WDR31: variants seen among roughly 807,000 people sequenced by gnomAD.
WDR31 encodes WD repeat-containing protein 31.
Under a neutral mutation model 47.3 loss-of-function variants are expected in WDR31, and 30 were observed. The observed-to-expected ratio is 0.63, with a 90% confidence interval of 0.47 to 0.86. The LOEUF (loss-of-function observed/expected upper bound fraction) is 0.86. WDR31 is among the 40% of genes least tolerant of loss of function. The pLI is 0.00. For missense variants in WDR31, 406 were observed against 442.9 expected (o/e 0.92, Z 0.75); for synonymous variants, 137 against 159.4 (o/e 0.86, Z 1.06).
intron 2 of WDR31, among the ~76,000 whole-genome samples, chr9:113,334,703 C>CTTTTTTTTTTT (rs71367719): frequency 0.026 from 1,648 of 62,746 alleles, no homozygotes; most frequent in East Asian, 0.029. Context: ...CTACATCAGG[C>CTTTTTTTTTTT]TTTTTTTTTT....
intron 5 of WDR31, among the ~76,000 whole-genome samples, chr9:113,326,843 C>CTT (rs554499543): frequency 6.7e-6 from 1 of 149,646 alleles, no homozygotes; most frequent in East Asian, 2.0e-4. Flanking sequence ...TATTGTCTTA[C>CTT]TTTTTTTTTT....
At chr9:113,330,884 G>C in intron 4 of WDR31, 100 bp downstream of exon 4, 1 of 1,362,236 alleles carries the variant, frequency 7.3e-7, no homozygotes, top group Non-Finnish European at 9.9e-7. Context: ...TTTTACACTT[G>C]TCAACCCTGC....
Position 113,331,113 on chromosome 9 carries a change from C to T in WDR31, c.120G>A (p.Arg40=), listed in dbSNP as rs1013839245. The change falls in exon 4 of 11, where the codon AGG becomes AGA. Residue 40 remains arginine (R), a synonymous_variant. Coordinates refer to ENST00000374193, the MANE Select transcript of WDR31 (RefSeq NM_001012361.4). ...KLKHSTYKYG[R]PDEIIEERIQ... is the part of the protein sequence containing the mutation. The stretch of plus-strand genomic sequence containing the variant: ...TTCTCTCTTCTATAATTTCATCAGG[C>T]CTGCTAAAAAGAGTATAGAAAATGA... 6 of 1,567,436 alleles carry T rather than the reference C, an allele frequency of 3.8e-6. No individual in the cohort carries two copies. The highest frequency in any genetic ancestry group is 2.7e-5 in the African/African-American group (2 of 73,022).
Position 113,316,176 on chromosome 9 carries a change from T to G in WDR31, c.*573A>C, listed in dbSNP as rs967696217. On this transcript the variant is annotated 3_prime_UTR_variant, in exon 11 of 11. Coordinates refer to ENST00000374193, the MANE Select transcript of WDR31 (RefSeq NM_001012361.4). ...CCTCCCACTCTGCTGCCACTTTGAA[T>G]AGAAGTCCAAGCTTTCGCTTTCTTG... 2.0e-5 allele frequency: 3 copies of G among 152,400 alleles called. No homozygotes were observed. In the South Asian group the frequency reaches 6.2e-4, roughly 31 times the overall value. 9.4% of individuals were successfully genotyped at this position (152,400 alleles called of 1,614,324 possible).
intron 7 of WDR31, among the ~76,000 whole-genome samples, chr9:113,321,855 T>C (rs1488963527): frequency 6.6e-6 from 1 of 152,158 alleles, no homozygotes; most frequent in East Asian, 1.9e-4. Context: ...GTGTGGCAGA[T>C]AGAACAGCTC....
chr9:113,324,617 C>G (rs543466541), intron 5 of WDR31, among the ~76,000 whole-genome samples: 1 of 151,768 alleles, frequency 6.6e-6, no homozygotes, highest in Non-Finnish European at 1.5e-5. Flanking sequence ...CTCGAACTCC[C>G]GGGCTCAAGT....
At chr9:113,318,740 C>T in intron 9 of WDR31, 103 bp from the exon 10 acceptor site, 1 of 1,243,210 alleles carries the variant, frequency 8.0e-7, no homozygotes, top group East Asian at 2.4e-5. Flanking sequence ...CCTCCACTTA[C>T]CTGCTCACGT....
At chr9:113,319,919 A>G (rs530521773) in intron 9 of WDR31, among the ~76,000 whole-genome samples, 49 of 152,288 alleles carry the variant, frequency 3.2e-4, no homozygotes, top group African/African-American at 1.2e-3. Context: ...CTACCAATTC[A>G]GAGAGCCCTA....
intron 7 of WDR31, 23 bp downstream of exon 7, chr9:113,322,788 C>G: frequency 1.2e-6 from 2 of 1,612,358 alleles, no homozygotes; most frequent in Non-Finnish European, 1.7e-6. Flanking sequence ...CTGCCCTGTT[C>G]TGTACCAAGT....
chr9:113,334,268 A>C (rs998992169), intron 2 of WDR31, among the ~76,000 whole-genome samples: 1 of 152,120 alleles, frequency 6.6e-6, no homozygotes, highest in African/African-American at 2.4e-5. Context: ...CTTTTCTTTT[A>C]ATACCTCAAC....
intron 2 of WDR31, among the ~76,000 whole-genome samples, chr9:113,335,557 C>T (rs1833699239): frequency 6.6e-6 from 1 of 152,188 alleles, no homozygotes; most frequent in African/African-American, 2.4e-5. Flanking sequence ...AGCTAAAACG[C>T]ACCAACTTAA....
At chr9:113,333,526 C>A (rs1023063925) in intron 2 of WDR31, among the ~76,000 whole-genome samples, 1 of 151,252 alleles carries the variant, frequency 6.6e-6, no homozygotes, top group African/African-American at 2.4e-5. Flanking sequence ...GGACTACAGG[C>A]GCCCGCCACC....
At chr9:113,329,061 C>T in intron 4 of WDR31, 106 bp from the exon 5 acceptor site, 1 of 1,091,350 alleles carries the variant, frequency 9.2e-7, no homozygotes, top group Non-Finnish European at 1.4e-6. Context: ...CACTCCCTCT[C>T]TGCTCAGGAA....
intron 5 of WDR31, among the ~76,000 whole-genome samples, chr9:113,325,883 T>C (rs1466246094): frequency 6.6e-6 from 1 of 151,526 alleles, no homozygotes; most frequent in African/African-American, 2.4e-5. Flanking sequence ...TTGGCTTTAT[T>C]ATTCATCATT....
intron 5 of WDR31, among the ~76,000 whole-genome samples, chr9:113,328,605 A>G (rs928310590): frequency 2.6e-5 from 4 of 152,200 alleles, no homozygotes; most frequent in Admixed American, 6.5e-5. Flanking sequence ...GTACTTGTTG[A>G]GTCAGGATAG....
At chr9:113,321,459 G>A (rs1588040861) in intron 8 of WDR31, 52 bp downstream of exon 8, 3 of 1,571,442 alleles carry the variant, frequency 1.9e-6, no homozygotes, top group East Asian at 2.2e-5. Context: ...ATGTATGCAT[G>A]GGAGCCACAA....
intron 4 of WDR31, 56 bp from the exon 5 acceptor site, chr9:113,329,011 G>A (rs1833536419): frequency 7.0e-7 from 1 of 1,433,966 alleles, no homozygotes; most frequent in Non-Finnish European, 9.8e-7. Context: ...AGTGACACTA[G>A]CCTCTACTGC....
chr9:113,316,847 C>T lies in WDR31; in HGVS notation c.1006G>A (p.Ala336Thr), dbSNP rs549756901. 50 of 1,614,064 alleles carry T rather than the reference C, an allele frequency of 3.1e-5. No individual in the cohort carries two copies. The highest frequency in any genetic ancestry group is 9.9e-5 in the South Asian group (9 of 91,068). ...GPLTSLAVGDAISLLCASFNR... is the reference protein window; with the variant it reads ...GPLTSLAVGDTISLLCASFNR... ...AAACTTGCACACAATAAGGAGATGG[C>T]GTCACCAACAGCCAGAGAAGTCAAG... The change falls in exon 11 of 11, where the codon GCC (alanine) becomes ACC (threonine). Residue 336 changes from alanine (A) to threonine (T), a missense_variant. Physicochemically the swap from Ala to Thr is moderately conservative, Grantham distance 58 (BLOSUM62 0). Coordinates refer to ENST00000374193, the MANE Select transcript of WDR31 (RefSeq NM_001012361.4).
chr9:113,317,438 A>G (rs1385265418), intron 10 of WDR31, among the ~76,000 whole-genome samples: 1 of 152,250 alleles, frequency 6.6e-6, no homozygotes, highest in Non-Finnish European at 1.5e-5. Flanking sequence ...GGTCAGGTCA[A>G]CATTTCCAGA....
Sources: gnomAD v4.1 joint callset for allele counts (sites outside exome capture counted in the v4.1 genomes callset) on GRCh38, gnomAD v4.1.1 for gene constraint, MANE v1.5 for transcripts, NCBI Gene and HGNC (gene_info 2026-07-23, HGNC 2026-07-21) for gene names.